The following GPC6 variants were observed in gnomAD, a reference collection of about 807,000 sequenced individuals.
GPC6 encodes the protein glypican-6.
Under a neutral mutation model 55.2 loss-of-function variants are expected in GPC6, and 14 were observed. The observed-to-expected ratio is 0.25, with a 90% confidence interval of 0.17 to 0.40. GPC6 has a LOEUF of 0.40. Among genes scored for constraint, GPC6 ranks in the 10% least tolerant of loss-of-function variants. The probability of loss-of-function intolerance (pLI) is 1.00; values close to 1 mark genes in which losing one functional copy is unlikely to be tolerated. For synonymous variants in GPC6, 278 were observed against 259.6 expected (o/e 1.07, Z -0.68); for missense variants, 641 against 708.5 (o/e 0.90, Z 1.08).
intron 1 of GPC6, among the ~76,000 whole-genome samples, chr13:93,490,238 G>A (rs1879914291): frequency 6.6e-6 from 1 of 151,366 alleles, no homozygotes. Context: ...TGTGGTTTTT[G>A]TCTTTGGTTC....
At chr13:93,613,172 C>T (rs1878559655) in intron 2 of GPC6, among the ~76,000 whole-genome samples, 1 of 152,176 alleles carries the variant, frequency 6.6e-6, no homozygotes, top group South Asian at 2.1e-4. Context: ...CATTGGCCCC[C>T]TCTTTACTAT....
intron 1 of GPC6, among the ~76,000 whole-genome samples, chr13:93,355,639 G>T (rs1194901058): frequency 6.6e-6 from 1 of 152,148 alleles, no homozygotes; most frequent in Non-Finnish European, 1.5e-5. Context: ...GCTCTGAAAT[G>T]TTTTGAAAGG....
rs575959247 is a variant in GPC6, at chr13:93,302,009, T to C, written c.160+74393T>C. Among the ~76,000 whole-genome samples the C allele has an allele frequency of 3.3e-5, 5 of 152,318 alleles. No homozygotes were observed. The East Asian group carries it at 9.7e-4, about 29-fold the overall frequency. On this transcript the variant is annotated intron_variant, in intron 1 of 8. Transcript: ENST00000377047. ...TTAAGGACTTGGTTTAGTTATACAA[T>C]AATAAAATATAATTTATTCAAACTT...
At chr13:93,551,473 G>A (rs904657885) in intron 2 of GPC6, among the ~76,000 whole-genome samples, 3 of 152,108 alleles carry the variant, frequency 2.0e-5, no homozygotes, top group Non-Finnish European at 2.9e-5. Flanking sequence ...CTACACGTAG[G>A]TTATTCTTTT....
chr13:94,114,396 AG>A (rs1389578393), intron 4 of GPC6, among the ~76,000 whole-genome samples: 1 of 152,164 alleles, frequency 6.6e-6, no homozygotes, highest in Admixed American at 6.6e-5. Context: ...GGTAGGAGAA[AG>A]GCTCATTGTA....
chr13:93,631,683 A>G (rs1024139594), intron 2 of GPC6, among the ~76,000 whole-genome samples: 2 of 152,190 alleles, frequency 1.3e-5, no homozygotes, highest in African/African-American at 4.8e-5. Flanking sequence ...CAAACAGGTC[A>G]CCAGTCCCAA....
chr13:93,989,253 T>A (rs541506102), intron 3 of GPC6, among the ~76,000 whole-genome samples: 12 of 152,294 alleles, frequency 7.9e-5, no homozygotes, highest in Admixed American at 7.2e-4. Context: ...TACATGTCTG[T>A]TTTATCTGTC....
rs375878917 is a variant in GPC6, at chr13:94,298,916, T to C, written c.1009-7064T>C. The stretch of plus-strand genomic sequence containing the variant: ...AAGTGTCTGTCCTATCATAGACACT[T>C]GATGAGTGTTCATTGTCTTTCCTTT... On this transcript the variant is annotated intron_variant, in intron 5 of 8. Transcript: ENST00000377047. Among the ~76,000 whole-genome samples the C allele has an allele frequency of 7.2e-5, 11 of 152,188 alleles. No homozygotes were observed. In the East Asian group the frequency reaches 1.7e-3, roughly 24 times the overall value.
At chr13:93,702,292 CT>C (rs894316076) in intron 2 of GPC6, among the ~76,000 whole-genome samples, 18 of 151,442 alleles carry the variant, frequency 1.2e-4, no homozygotes, top group African/African-American at 3.1e-4. Flanking sequence ...TGATAGGAAT[CT>C]TTTTTTTTCT....
intron 3 of GPC6, among the ~76,000 whole-genome samples, chr13:93,882,004 C>T (rs1875008054): frequency 6.6e-6 from 1 of 151,960 alleles, no homozygotes; most frequent in African/African-American, 2.4e-5. Flanking sequence ...TTATAGTTTT[C>T]AATCAAAACA....
chr13:94,106,684 G>A (rs1257798710), intron 4 of GPC6, among the ~76,000 whole-genome samples: 1 of 152,062 alleles, frequency 6.6e-6, no homozygotes, highest in African/African-American at 2.4e-5. Flanking sequence ...GAAAAAGGAA[G>A]GGATAGGTAA....
chr13:93,710,055 AT>A (rs1883000756), intron 2 of GPC6, among the ~76,000 whole-genome samples: 2 of 151,816 alleles, frequency 1.3e-5, no homozygotes, highest in Admixed American at 6.6e-5. Flanking sequence ...AATGGTTTCA[AT>A]TTCATTTTCA....
chr13:93,680,731 C>T (rs1176087574), intron 2 of GPC6, among the ~76,000 whole-genome samples: 4 of 152,106 alleles, frequency 2.6e-5, no homozygotes, highest in Non-Finnish European at 5.9e-5. Flanking sequence ...TTTCTATGTG[C>T]CCAGATTCGA....
intron 1 of GPC6, among the ~76,000 whole-genome samples, chr13:93,364,718 C>T (rs1369783800): frequency 6.7e-6 from 1 of 150,192 alleles, no homozygotes; most frequent in Non-Finnish European, 1.5e-5. Context: ...TATATATACA[C>T]ACACATATAT....
intron 3 of GPC6, among the ~76,000 whole-genome samples, chr13:93,989,132 T>C (rs1314022219): frequency 1.3e-5 from 2 of 152,206 alleles, no homozygotes; most frequent in African/African-American, 4.8e-5. Flanking sequence ...AATGTGGTAA[T>C]GCCTTCTGTT....
chr13:93,358,000 T>TA (rs1196966162), intron 1 of GPC6, among the ~76,000 whole-genome samples: 1 of 152,122 alleles, frequency 6.6e-6, no homozygotes, highest in Non-Finnish European at 1.5e-5. Context: ...GGATATGGCA[T>TA]AATTGAACAT....
Position 93,781,195 on chromosome 13 carries a change from G to A in GPC6, c.320-48959G>A, listed in dbSNP as rs1885635049. On this transcript the variant is annotated intron_variant, in intron 2 of 8. Transcript: ENST00000377047. Reference sequence around the variant, plus strand: ...AGAGGCTGAGGCAAGAGAATCACTTGAACCTGGGAGGCGGAGGTTGCAGTA... The same window carrying A: ...AGAGGCTGAGGCAAGAGAATCACTTAAACCTGGGAGGCGGAGGTTGCAGTA... Among the ~76,000 whole-genome samples the A allele has an allele frequency of 2.0e-5, 3 of 151,244 alleles. No homozygotes were observed. In the South Asian group the frequency reaches 6.2e-4, roughly 31 times the overall value.
At chr13:94,242,077 C>T (rs1891070745) in intron 4 of GPC6, among the ~76,000 whole-genome samples, 1 of 151,770 alleles carries the variant, frequency 6.6e-6, no homozygotes, top group South Asian at 2.1e-4. Flanking sequence ...ACTCCCCCCA[C>T]CCCACAACAG....
chr13:94,139,083 G>GA lies in GPC6; in HGVS notation c.877+111199dup, dbSNP rs376446543. Among the ~76,000 whole-genome samples the GA allele has an allele frequency of 5.3e-3, 790 of 149,682 alleles. 31 individuals are homozygous for GA. In the East Asian group the frequency reaches 0.11, roughly 22 times the overall value. The stretch of plus-strand genomic sequence containing the variant: ...AAGATATGGTAGGAGTTAGCTGGGG[G>GA]AAAAAAAAAAGCATGATGCATTTGC... On this transcript the variant is annotated intron_variant, in intron 4 of 8. Transcript: ENST00000377047.
Sources: allele counts gnomAD v4.1 joint callset (sites outside exome capture counted in the v4.1 genomes callset), GRCh38; gene constraint gnomAD v4.1.1; transcripts MANE v1.5; gene names NCBI Gene and HGNC (gene_info 2026-07-23, HGNC 2026-07-21).